The following DPP6 variants were observed in gnomAD, a reference collection of about 807,000 sequenced individuals.
DPP6 encodes A-type potassium channel modulatory protein DPP6.
A neutral mutation model predicts 122.6 loss-of-function variants in DPP6; 69 were observed. The observed-to-expected ratio is 0.56, with a 90% CI of 0.46 to 0.69. DPP6 has a LOEUF of 0.69. Ranked by LOEUF, DPP6 falls within the 30% of genes least tolerant of loss-of-function variation. DPP6 has a pLI of 0.00. For missense variants in DPP6, 928 were observed against 1,116.9 expected (o/e 0.83, Z 2.41); for synonymous variants, 418 against 433.1 (o/e 0.97, Z 0.43).
chr7:154,499,878 A>C (rs1825079214), intron 3 of DPP6, among the ~76,000 whole-genome samples: 1 of 152,164 alleles, frequency 6.6e-6, no homozygotes. Flanking sequence ...TTTAGACACA[A>C]TTACAGCTGT....
chr7:153,838,133 G>C, the DPP6 span, among the ~76,000 whole-genome samples: 2 of 152,088 alleles, frequency 1.3e-5, no homozygotes, highest in African/African-American at 4.8e-5. Context: ...AAAAAAATGT[G>C]TCTACACGTT....
intron 4 of DPP6, among the ~76,000 whole-genome samples, chr7:154,550,118 A>G (rs1029841229): frequency 2.0e-5 from 3 of 152,202 alleles, no homozygotes; most frequent in Admixed American, 6.5e-5. Context: ...TATCCCATTT[A>G]TATTTACCTA....
chr7:154,276,877 A>G (rs771732776), intron 1 of DPP6, among the ~76,000 whole-genome samples: 6 of 152,212 alleles, frequency 3.9e-5, no homozygotes, highest in South Asian at 4.1e-4. Context: ...CACTGATTTC[A>G]TGGCCAACGG....
At chr7:154,153,855 G>A (rs1207799949) in intron 1 of DPP6, among the ~76,000 whole-genome samples, 7 of 152,104 alleles carry the variant, frequency 4.6e-5, no homozygotes, top group Non-Finnish European at 1.0e-4. Context: ...GCTGACTGCC[G>A]CCATTGTGTA....
At chr7:154,386,588 G>A (rs1814131538) in intron 1 of DPP6, among the ~76,000 whole-genome samples, 1 of 152,116 alleles carries the variant, frequency 6.6e-6, no homozygotes, top group African/African-American at 2.4e-5. Flanking sequence ...CTCACTTCAT[G>A]AATATCATGA....
intron 3 of DPP6, among the ~76,000 whole-genome samples, chr7:154,484,544 G>C (rs148342221): frequency 2.6e-5 from 4 of 152,294 alleles, no homozygotes; most frequent in African/African-American, 7.2e-5. Context: ...GAAGCTGCTC[G>C]CTGGGCCTGA....
chr7:154,450,900 G>A (rs1334655492), intron 2 of DPP6, among the ~76,000 whole-genome samples: 1 of 152,206 alleles, frequency 6.6e-6, no homozygotes, highest in Non-Finnish European at 1.5e-5. Flanking sequence ...GAGCAGAATT[G>A]TGCTTTGTGT....
intron 1 of DPP6, among the ~76,000 whole-genome samples, chr7:154,158,124 G>T (rs1001591720): frequency 4.0e-5 from 6 of 149,202 alleles, no homozygotes; most frequent in Admixed American, 3.3e-4. Context: ...TTTCAATTTT[G>T]GTTAAACCAA....
intron 1 of DPP6, among the ~76,000 whole-genome samples, chr7:154,395,459 G>A (rs1018311961): frequency 6.6e-6 from 1 of 152,186 alleles, no homozygotes; most frequent in Non-Finnish European, 1.5e-5. Context: ...CATTTTACAA[G>A]TTGTTCACCT....
intron 22 of DPP6, among the ~76,000 whole-genome samples, chr7:154,886,941 A>G (rs896350320): frequency 6.6e-6 from 1 of 152,248 alleles, no homozygotes; most frequent in East Asian, 1.9e-4. Context: ...ATGTAAGAGG[A>G]ATCTTCCCTC....
intron 1 of DPP6, among the ~76,000 whole-genome samples, chr7:154,068,522 T>G: frequency 9.1e-6 from 1 of 109,342 alleles, no homozygotes; most frequent in Non-Finnish European, 2.0e-5. Flanking sequence ...GCCCCGGCCT[T>G]GGAGGGCAGC....
At chr7:154,216,207 A>G (rs1799984933) in intron 1 of DPP6, among the ~76,000 whole-genome samples, 1 of 152,208 alleles carries the variant, frequency 6.6e-6, no homozygotes, top group Non-Finnish European at 1.5e-5. Flanking sequence ...CACAACAAAT[A>G]CAAACTCTGG....
chr7:154,477,531 C>CA (rs34335151), intron 3 of DPP6, among the ~76,000 whole-genome samples: 97,942 of 148,934 alleles, frequency 0.66, 32,111 homozygotes, highest in Non-Finnish European at 0.69. Context: ...CATTCCATGC[C>CA]AAAAAAAAAA....
intron 16 of DPP6, among the ~76,000 whole-genome samples, chr7:154,841,334 C>G (rs535107593): frequency 6.6e-6 from 1 of 150,946 alleles, no homozygotes; most frequent in Non-Finnish European, 1.5e-5. Context: ...GCTTTGCCCC[C>G]CTGTAGCCTT....
At chr7:154,391,822 T>A (rs554566433) in intron 1 of DPP6, among the ~76,000 whole-genome samples, 1 of 152,242 alleles carries the variant, frequency 6.6e-6, no homozygotes, top group South Asian at 2.1e-4. Context: ...GATTCCCCTC[T>A]AGCACAAGGT....
chr7:154,056,374 G>A (rs1800820496), intron 1 of DPP6, among the ~76,000 whole-genome samples: 1 of 152,154 alleles, frequency 6.6e-6, no homozygotes, highest in Admixed American at 6.5e-5. Context: ...ACTCTTAAAG[G>A]AATTGTTGCT....
At chr7:154,473,063 G>A (rs1822426359) in intron 2 of DPP6, among the ~76,000 whole-genome samples, 2 of 152,126 alleles carry the variant, frequency 1.3e-5, no homozygotes, top group South Asian at 4.1e-4. Flanking sequence ...AAGTTGCATG[G>A]CTAGAATCAT....
the DPP6 span, among the ~76,000 whole-genome samples, chr7:153,792,297 A>G: frequency 6.6e-6 from 1 of 152,252 alleles, no homozygotes; most frequent in Non-Finnish European, 1.5e-5. Context: ...TTAGATGGGA[A>G]TTAGGTTGAA....
In DPP6 at chr7:154,222,671, A is replaced by G. The variant is rs116013299; in HGVS notation, c.243+169608A>G. Among the ~76,000 whole-genome samples the G allele has an allele frequency of 6.5e-3, 977 of 149,390 alleles. 132 individuals carry two copies. The highest frequency in any genetic ancestry group is 0.024 in the African/African-American group (938 of 39,278). ...ACTCTGTCTCAAAAATAAATAAAAT[A>G]AAATAAAATAAATTAAATAATCTGC... is the stretch of plus-strand genomic sequence containing the variant. On this transcript the variant is annotated intron_variant, in intron 1 of 25. Transcript: ENST00000377770.
Sources: allele counts gnomAD v4.1 joint callset (sites outside exome capture counted in the v4.1 genomes callset), GRCh38; gene constraint gnomAD v4.1.1; transcripts MANE v1.5; gene names NCBI Gene and HGNC (gene_info 2026-07-23, HGNC 2026-07-21).